Variants in GRIP2 observed in about 807,000 individuals in gnomAD.
GRIP2 encodes glutamate receptor interacting protein 2.
GRIP2 carries 58 observed loss-of-function variants against 108.3 expected under a neutral mutation model. The ratio of observed to expected loss-of-function variants is 0.54; its 90% CI spans 0.43 to 0.67. The LOEUF (loss-of-function observed/expected upper bound fraction) is 0.67. Ranked by LOEUF, GRIP2 falls within the 30% of genes least tolerant of loss-of-function variation. The pLI is 0.00. For synonymous variants in GRIP2, 586 were observed against 598.2 expected (o/e 0.98, Z 0.30); for missense variants, 1,278 against 1,430.6 (o/e 0.89, Z 1.72).
the GRIP2 span, among the ~76,000 whole-genome samples, chr3:14,591,775 TGG>T: frequency 1.3e-5 from 2 of 152,184 alleles, no homozygotes; most frequent in Non-Finnish European, 1.5e-5. Flanking sequence ...GAGGACCTTC[TGG>T]GAGTACACGC....
chr3:14,493,526 G>C lies in GRIP2; in HGVS notation c.*139C>G. The C allele has an allele frequency of 9.5e-7, 1 of 1,056,994 alleles. No homozygotes were observed. Among genetic ancestry groups the C allele is most frequent in the Non-Finnish European group, 1.3e-6 (1 of 752,842 alleles). The allele number at this position is 1,056,994 out of a possible 1,614,324, so 65.5% of individuals were successfully genotyped here. ...AGTCACCACAGACCTGGGGAACAGA[G>C]ACCAAGCATCATCCCAGGCTCAGAG... On this transcript the variant is annotated 3_prime_UTR_variant, in exon 24 of 24. Coordinates refer to ENST00000621039, the MANE Select transcript of GRIP2 (RefSeq NM_001080423.4).
the GRIP2 span, among the ~76,000 whole-genome samples, chr3:14,588,915 C>T: frequency 2.0e-5 from 3 of 152,180 alleles, no homozygotes; most frequent in Non-Finnish European, 4.4e-5. Context: ...GGCCTCATGG[C>T]GGGCCCCTCA....
the GRIP2 span, among the ~76,000 whole-genome samples, chr3:14,586,288 C>T: frequency 1.3e-5 from 2 of 152,334 alleles, no homozygotes; most frequent in Admixed American, 6.5e-5. Flanking sequence ...TTATTTGTCC[C>T]GTTTCTGGTC....
At chr3:14,546,925 C>A (rs1255898802), upstream of GRIP2, among the ~76,000 whole-genome samples, 1 of 152,174 alleles carries the variant, frequency 6.6e-6, no homozygotes, top group Non-Finnish European at 1.5e-5. Flanking sequence ...CCATGTCTGG[C>A]CACCTGTGTC....
At chr3:14,502,988 G>A (rs1693807357) in intron 21 of GRIP2, among the ~76,000 whole-genome samples, 1 of 152,208 alleles carries the variant, frequency 6.6e-6, no homozygotes, top group South Asian at 2.1e-4. Flanking sequence ...AGCTTGGGAT[G>A]TGACTTAGCG....
At chr3:14,570,039 T>G in the GRIP2 span, among the ~76,000 whole-genome samples, 128,017 of 152,148 alleles carry the variant, frequency 0.84, 53,999 homozygotes, top group South Asian at 0.93. Flanking sequence ...TAGTGGCAGA[T>G]CTGGGATTTG....
At chr3:14,514,525 G>T (rs1432938998) in intron 11 of GRIP2, 47 bp from the exon 12 acceptor site, 1 of 1,485,238 alleles carries the variant, frequency 6.7e-7, no homozygotes, top group Non-Finnish European at 9.0e-7. Flanking sequence ...CCCCACGGAG[G>T]TCTTCCTGCC....
At chr3:14,559,915 A>G (rs955472074), upstream of GRIP2, among the ~76,000 whole-genome samples, 43 of 152,166 alleles carry the variant, frequency 2.8e-4, no homozygotes, top group African/African-American at 1.0e-3. Flanking sequence ...GTGTCAGCAG[A>G]GGCTGGGGAG....
In GRIP2 at chr3:14,517,767, A is replaced by G. The variant is rs1694295841; in HGVS notation, c.1156+5T>C. The G allele has an allele frequency of 1.9e-6, 3 of 1,610,484 alleles. No individual in the cohort carries two copies. Among genetic ancestry groups the G allele is most frequent in the Non-Finnish European group, 2.5e-6 (3 of 1,178,886 alleles). On this transcript the variant is annotated splice_donor_5th_base_variant and intron_variant, in intron 10 of 23. Transcript: ENST00000621039. ...GGCTGAGCTACAGCAGGGCAGGCACATTACATCGGCTTTGGTCCTGGCCAG... is the reference window on the plus strand; with the variant it reads ...GGCTGAGCTACAGCAGGGCAGGCACGTTACATCGGCTTTGGTCCTGGCCAG...
Position 14,505,555 on chromosome 3 carries a change from C to T in GRIP2, c.2573+60G>A, listed in dbSNP as rs369136999. ...CCCACCACTTTGGCACAGGCACCCT[C>T]GCCCACCCCAGCCAAGACACTGTGA... On this transcript the variant is annotated intron_variant, in intron 20 of 23. Coordinates refer to ENST00000621039, the MANE Select transcript of GRIP2 (RefSeq NM_001080423.4). This position sits in a 1 kb window ranked among gnomAD's most constrained non-coding sequence, Gnocchi z 4.2. 1.2e-5 allele frequency: 18 copies of T among 1,547,856 alleles called. No individual in the cohort carries two copies. In the Middle Eastern group the frequency reaches 8.4e-4, roughly 72 times the overall value.
chr3:14,551,101 G>A (rs1014181736), intron 1 of GRIP2, among the ~76,000 whole-genome samples: 2 of 152,114 alleles, frequency 1.3e-5, no homozygotes, highest in Admixed American at 6.5e-5. Flanking sequence ...AGGCCAGGAG[G>A]AACACGGACC....
chr3:14,504,147 C>A (rs149823290), intron 20 of GRIP2, among the ~76,000 whole-genome samples: 2 of 152,088 alleles, frequency 1.3e-5, no homozygotes, highest in East Asian at 1.9e-4. Flanking sequence ...GTCGAGACCA[C>A]CCATAACTCC....
intron 21 of GRIP2, among the ~76,000 whole-genome samples, chr3:14,498,920 G>C (rs979758728): frequency 6.6e-6 from 1 of 152,186 alleles, no homozygotes; most frequent in African/African-American, 2.4e-5. Context: ...CGAGACATAC[G>C]CGTTTGGAGC....
upstream of GRIP2, among the ~76,000 whole-genome samples, chr3:14,559,907 G>A (rs1300370237): frequency 6.6e-6 from 1 of 152,168 alleles, no homozygotes; most frequent in Non-Finnish European, 1.5e-5. Flanking sequence ...CCATCCCTGT[G>A]TCAGCAGAGG....
In GRIP2 at chr3:14,521,044, C is replaced by G. The variant is rs551093162; in HGVS notation, c.713-507G>C. The G allele has an allele frequency of 1.7e-5, 3 of 178,520 alleles. No individual in the cohort carries two copies. Among genetic ancestry groups the G allele is most frequent in the South Asian group, 1.3e-4 (1 of 7,794 alleles). 11.1% of individuals were successfully genotyped at this position (178,520 alleles called of 1,614,324 possible). On this transcript the variant is annotated intron_variant, in intron 7 of 23. Coordinates refer to ENST00000621039, the MANE Select transcript of GRIP2 (RefSeq NM_001080423.4). The surrounding 1 kb of genome is among the most constrained non-coding windows in gnomAD (Gnocchi z 5.1). ...CCTTCTCCCCTCCTTAGCCACCAGC[C>G]TGGTTCAGTCCCTTAGCTCTCGCTT...
chr3:14,526,564 G>A (rs11921520), intron 1 of GRIP2, among the ~76,000 whole-genome samples: 31,489 of 152,100 alleles, frequency 0.21, 3,520 homozygotes, highest in African/African-American at 0.28. Context: ...ACTCTAATTC[G>A]AGAAAGCGCT....
In GRIP2 at chr3:14,517,810, G is replaced by C; in HGVS notation, c.1118C>G (p.Pro373Arg). The change falls in exon 10 of 24, where the codon CCC (proline) becomes CGC (arginine). Residue 373 changes from proline to arginine, a missense_variant. Coordinates refer to ENST00000621039, the MANE Select transcript of GRIP2 (RefSeq NM_001080423.4). ...HSPRPGHCRM[P>R]TWATPAGQDQ... ...CTGGCCAGCAGGTGTGGCCCAGGTG[G>C]GCATCCTGCAGTGGCCGGGCCGGGG... The C allele has an allele frequency of 6.2e-7, 1 of 1,608,210 alleles. No individual in the cohort carries two copies.
chr3:14,566,771 C>T, the GRIP2 span, among the ~76,000 whole-genome samples: 3 of 152,170 alleles, frequency 2.0e-5, no homozygotes, highest in South Asian at 6.2e-4. Context: ...GAAAACTCCC[C>T]TTTCCATGGC....
chr3:14,579,868 C>A, the GRIP2 span, among the ~76,000 whole-genome samples: 15 of 152,236 alleles, frequency 9.9e-5, no homozygotes, highest in Admixed American at 6.5e-5. Flanking sequence ...ACTGCAGCAG[C>A]AGAAGCAGCC....
Sources: gnomAD v4.1 joint callset for allele counts (sites outside exome capture counted in the v4.1 genomes callset) on GRCh38, gnomAD v4.1.1 for gene constraint, Gnocchi (gnomAD v3.1) non-coding constraint, MANE v1.5 for transcripts, NCBI Gene and HGNC (gene_info 2026-07-23, HGNC 2026-07-21) for gene names.